Variants in KCNIP4 observed in about 807,000 individuals in gnomAD.
KCNIP4 encodes Kv channel-interacting protein 4.
Under a neutral mutation model 34.0 loss-of-function variants are expected in KCNIP4, and 12 were observed. The ratio of observed to expected loss-of-function variants is 0.35; its 90% CI spans 0.23 to 0.57. The LOEUF (loss-of-function observed/expected upper bound fraction) is 0.57, where lower values mean the gene tolerates loss of function less well. Ranked by LOEUF, KCNIP4 falls within the 20% of genes least tolerant of loss-of-function variation. The pLI, the probability that KCNIP4 is intolerant of heterozygous loss-of-function variation, is 0.83. For missense variants in KCNIP4, 238 were observed against 311.7 expected (o/e 0.76, Z 1.78); for synonymous variants, 124 against 102.2 (o/e 1.21, Z -1.29).
chr4:20,841,935 T>G (rs1186339378), intron 3 of KCNIP4, among the ~76,000 whole-genome samples: 1 of 152,114 alleles, frequency 6.6e-6, no homozygotes, highest in East Asian at 1.9e-4. Context: ...GGCCGTGCCC[T>G]TCTTGACATT....
Position 20,729,032 on chromosome 4 carries a change from C to T in KCNIP4, c.*1050G>A, listed in dbSNP as rs1173439619. On this transcript the variant is annotated 3_prime_UTR_variant, in exon 9 of 9. Coordinates refer to ENST00000382152, the MANE Select transcript of KCNIP4 (RefSeq NM_025221.6). ...AGTAGTTGTCAATGTAATGGAACCA[C>T]TGGTGCTTTCAAAGTGAATTTTGCT... is the stretch of plus-strand genomic sequence containing the variant. 1 of 152,136 alleles carries T rather than the reference C, an allele frequency of 6.6e-6. No homozygotes were observed. The highest frequency in any genetic ancestry group is 1.5e-5 in the Non-Finnish European group (1 of 68,030). The allele number at this position is 152,136 out of a possible 1,614,324, so 9.4% of individuals were successfully genotyped here.
intron 1 of KCNIP4, chr4:21,852,196 A>G (rs1724454158): frequency 7.6e-6 from 1 of 131,274 alleles, no homozygotes; most frequent in South Asian, 3.0e-4. Context: ...TAAAGTCCAG[A>G]GAGTCTGTCC....
intron 1 of KCNIP4, among the ~76,000 whole-genome samples, chr4:21,268,135 TA>T (rs1331394816): frequency 2.6e-5 from 4 of 152,216 alleles, no homozygotes; most frequent in African/African-American, 9.6e-5. Flanking sequence ...TACAACATTA[TA>T]AAAGGTCACT....
At chr4:21,396,546 C>A (rs1344663277) in intron 1 of KCNIP4, among the ~76,000 whole-genome samples, 1 of 11,376 alleles carries the variant, frequency 8.8e-5, no homozygotes, top group Non-Finnish European at 9.4e-4. Flanking sequence ...CAGAGCAAGA[C>A]TCCAAAAAAA....
At chr4:21,199,732 A>ACATGCACACATGTTTATTGCAG (rs1553953099) in intron 1 of KCNIP4, among the ~76,000 whole-genome samples, 11 of 151,116 alleles carry the variant, frequency 7.3e-5, no homozygotes, top group African/African-American at 2.7e-4. Context: ...CTATAAAGAT[A>ACATGCACACATGTTTATTGCAG]CATGCACACA....
intron 1 of KCNIP4, among the ~76,000 whole-genome samples, chr4:21,700,222 C>T (rs1016466308): frequency 7.9e-5 from 12 of 152,110 alleles, no homozygotes; most frequent in African/African-American, 2.2e-4. Flanking sequence ...TGCAGGTTCC[C>T]TTTTCTCTGC....
At chr4:21,760,242 G>C (rs1274293489) in intron 1 of KCNIP4, among the ~76,000 whole-genome samples, 1 of 151,952 alleles carries the variant, frequency 6.6e-6, no homozygotes, top group Non-Finnish European at 1.5e-5. Context: ...TCAGGTACTA[G>C]AATCTAGTGG....
At chr4:21,498,364 T>C (rs570617665) in intron 1 of KCNIP4, among the ~76,000 whole-genome samples, 1 of 152,226 alleles carries the variant, frequency 6.6e-6, no homozygotes, top group Non-Finnish European at 1.5e-5. Context: ...GTGGTGTTTG[T>C]ACACTCTTTC....
chr4:21,250,862 A>G (rs1760648447), intron 1 of KCNIP4, among the ~76,000 whole-genome samples: 1 of 150,758 alleles, frequency 6.6e-6, no homozygotes, highest in Non-Finnish European at 1.5e-5. Context: ...ATGTTAAAAT[A>G]GTAAAATATA....
intron 1 of KCNIP4, among the ~76,000 whole-genome samples, chr4:21,330,648 C>T (rs1715536113): frequency 6.6e-6 from 1 of 152,048 alleles, no homozygotes; most frequent in Non-Finnish European, 1.5e-5. Context: ...ATAGAGCATT[C>T]CGCATGAATG....
chr4:21,634,223 C>CAAAAAAAAAAAAAAAAAAAAAAAA (rs376741978), intron 1 of KCNIP4, among the ~76,000 whole-genome samples: 1 of 112,520 alleles, frequency 8.9e-6, no homozygotes, highest in African/African-American at 3.2e-5. Context: ...GTTCTTTCCT[C>CAAAAAAAAAAAAAAAAAAAAAAAA]AAAAAAAAAA....
chr4:20,782,411 C>A (rs1263433429), intron 3 of KCNIP4, among the ~76,000 whole-genome samples: 2 of 152,184 alleles, frequency 1.3e-5, no homozygotes, highest in African/African-American at 4.8e-5. Flanking sequence ...CCATGAGAGC[C>A]CTGCCTCTGC....
At chr4:20,756,646 C>T (rs115014052) in intron 4 of KCNIP4, among the ~76,000 whole-genome samples, 3,380 of 151,800 alleles carry the variant, frequency 0.022, 132 homozygotes, top group African/African-American at 0.077. Flanking sequence ...TCTGCTTGTG[C>T]GCTCCACTCC....
intron 1 of KCNIP4, among the ~76,000 whole-genome samples, chr4:21,110,245 G>T (rs774194836): frequency 1.8e-4 from 28 of 152,172 alleles, no homozygotes; most frequent in Non-Finnish European, 3.4e-4. Flanking sequence ...ATGACCACTT[G>T]AGTATGACCT....
intron 1 of KCNIP4, among the ~76,000 whole-genome samples, chr4:21,015,678 T>A (rs968523149): frequency 1.2e-5 from 1 of 83,206 alleles, no homozygotes; most frequent in Non-Finnish European, 2.3e-5. Context: ...TATAATATAG[T>A]ATATTGCATT....
At chr4:21,626,734 T>A (rs549550609) in intron 1 of KCNIP4, among the ~76,000 whole-genome samples, 1 of 152,202 alleles carries the variant, frequency 6.6e-6, no homozygotes, top group South Asian at 2.1e-4. Context: ...AGATGTCCAA[T>A]CCCTAAAGGA....
At chr4:21,353,888 CA>C (rs1718285723) in intron 1 of KCNIP4, among the ~76,000 whole-genome samples, 1 of 152,144 alleles carries the variant, frequency 6.6e-6, no homozygotes, top group Non-Finnish European at 1.5e-5. Context: ...GTGTTAAGGG[CA>C]GCCAGAAAGA....
intron 1 of KCNIP4, among the ~76,000 whole-genome samples, chr4:21,592,813 A>G (rs139234878): frequency 2.6e-5 from 4 of 152,246 alleles, no homozygotes; most frequent in South Asian, 2.1e-4. Flanking sequence ...TCACTGAAAG[A>G]GCTGACTAGC....
Position 21,259,920 on chromosome 4 carries a change from T to TGTGTGTGTGTGTGTGC in KCNIP4, c.62-377212_62-377211insGCACACACACACACAC, listed in dbSNP as rs755266993. On this transcript the variant is annotated intron_variant, in intron 1 of 8. Transcript: ENST00000382152. ...GTGTGTGTGTGTGTGTGTGTGTGTG[T>TGTGTGTGTGTGTGTGC]GCACGTGCGCTTATGTGCATTGTGC... is the stretch of plus-strand genomic sequence containing the variant. Among the ~76,000 whole-genome samples, 223 of 150,184 alleles carry TGTGTGTGTGTGTGTGC rather than the reference T, an allele frequency of 1.5e-3. 1 individual carries two copies. In the East Asian group the frequency reaches 0.03, roughly 20 times the overall value.
Sources: allele counts gnomAD v4.1 joint callset (sites outside exome capture counted in the v4.1 genomes callset), GRCh38; gene constraint gnomAD v4.1.1; transcripts MANE v1.5; gene names NCBI Gene and HGNC (gene_info 2026-07-23, HGNC 2026-07-21).